The following MAP2K1 variants were observed in gnomAD, a reference collection of about 807,000 sequenced individuals.
MAP2K1 encodes mitogen-activated protein kinase kinase 1.
MAP2K1 carries 16 observed loss-of-function variants against 46.3 expected under a neutral mutation model. The ratio of observed to expected loss-of-function variants is 0.35; its 90% CI spans 0.23 to 0.52. The LOEUF is 0.52. MAP2K1 is among the 20% of genes least tolerant of loss of function. The pLI, the probability that MAP2K1 is intolerant of heterozygous loss-of-function variation, is 0.94. For synonymous variants in MAP2K1, 183 were observed against 185.6 expected (o/e 0.99, Z 0.11); for missense variants, 263 against 497.1 (o/e 0.53, Z 4.48).
At chr15:66,462,859 G>T (rs943276589) in intron 5 of MAP2K1, among the ~76,000 whole-genome samples, 1 of 152,194 alleles carries the variant, frequency 6.6e-6, no homozygotes, top group African/African-American at 2.4e-5. Context: ...CTTAGGGAAC[G>T]TGAGGACCAG....
At chr15:66,428,062 T>C (rs2093464001) in intron 1 of MAP2K1, among the ~76,000 whole-genome samples, 7 of 152,104 alleles carry the variant, frequency 4.6e-5, no homozygotes, top group Admixed American at 4.6e-4. Context: ...AGTGGCCAAA[T>C]AGGGCTTCAT....
intron 1 of MAP2K1, among the ~76,000 whole-genome samples, chr15:66,393,635 A>G (rs1029159780): frequency 6.6e-6 from 1 of 152,200 alleles, no homozygotes; most frequent in Admixed American, 6.5e-5. Flanking sequence ...TTGTTTACAA[A>G]ATCTTTACCA....
intron 1 of MAP2K1, among the ~76,000 whole-genome samples, chr15:66,402,102 C>G (rs1195653738): frequency 6.6e-6 from 1 of 152,040 alleles, no homozygotes; most frequent in African/African-American, 2.4e-5. Context: ...TACATTGTTC[C>G]ATTGTGTGTA....
At chr15:66,453,423 G>C (rs567964630) in intron 5 of MAP2K1, 204 of 698,876 alleles carry the variant, frequency 2.9e-4, no homozygotes, top group Non-Finnish European at 4.1e-4. Context: ...TGGCCTGGCT[G>C]CTCAGCATTT....
At chr15:66,447,012 C>T (rs896239501) in intron 5 of MAP2K1, among the ~76,000 whole-genome samples, 3 of 152,132 alleles carry the variant, frequency 2.0e-5, no homozygotes, top group South Asian at 2.1e-4. Flanking sequence ...ATAGTGCTGT[C>T]GGCCATGTCC....
At chr15:66,392,554 C>CT (rs71287024) in intron 1 of MAP2K1, among the ~76,000 whole-genome samples, 16,290 of 128,994 alleles carry the variant, frequency 0.13, 1,484 homozygotes, top group African/African-American at 0.25. Context: ...CTTTTCTTTT[C>CT]TTTTTTTTTT....
chr15:66,434,725 T>G (rs560890184), intron 1 of MAP2K1, among the ~76,000 whole-genome samples: 1 of 152,270 alleles, frequency 6.6e-6, no homozygotes, highest in South Asian at 2.1e-4. Context: ...TCATTCTGGA[T>G]TTTAGTAGGT....
At chr15:66,484,454 G>T (rs988355199) in intron 6 of MAP2K1, among the ~76,000 whole-genome samples, 1 of 152,156 alleles carries the variant, frequency 6.6e-6, no homozygotes, top group African/African-American at 2.4e-5. Context: ...CGGCCCAGCA[G>T]CAGCCCCATT....
intron 1 of MAP2K1, among the ~76,000 whole-genome samples, chr15:66,417,371 G>C (rs1029297304): frequency 1.3e-5 from 2 of 152,184 alleles, no homozygotes; most frequent in Non-Finnish European, 1.5e-5. Flanking sequence ...AGAAGTTTGA[G>C]ACCAATCTGG....
chr15:66,458,522 A>G (rs1244040231), intron 5 of MAP2K1, among the ~76,000 whole-genome samples: 1 of 152,172 alleles, frequency 6.6e-6, no homozygotes, highest in African/African-American at 2.4e-5. Flanking sequence ...GTGTATGTAT[A>G]AATGAACGAA....
intron 5 of MAP2K1, among the ~76,000 whole-genome samples, chr15:66,476,039 GAGA>G (rs1399562026): frequency 6.6e-6 from 1 of 152,184 alleles, no homozygotes; most frequent in African/African-American, 2.4e-5. Flanking sequence ...GAAAATATCG[GAGA>G]AGAACATACT....
At chr15:66,440,177 T>C (rs940767791) in intron 3 of MAP2K1, among the ~76,000 whole-genome samples, 3 of 152,012 alleles carry the variant, frequency 2.0e-5, no homozygotes, top group Non-Finnish European at 2.9e-5. Context: ...CTGCAACCTC[T>C]GCCTCCTGGG....
intron 2 of MAP2K1, among the ~76,000 whole-genome samples, chr15:66,436,322 T>C (rs2093487954): frequency 6.6e-6 from 1 of 152,226 alleles, no homozygotes; most frequent in South Asian, 2.1e-4. Context: ...CCTTAGACTT[T>C]GGCTTAGTCT....
Position 66,435,226 on chromosome 15 carries a change from A to T in MAP2K1, c.280A>T (p.Met94Leu). 3 of 1,613,520 alleles carry T rather than the reference A, an allele frequency of 1.9e-6. No homozygotes were observed. Among genetic ancestry groups the T allele is most frequent in the Non-Finnish European group, 2.5e-6 (3 of 1,179,446 alleles). Residue 94 changes from methionine (M) to leucine (L), a missense_variant, in exon 2 of 11, where the codon ATG becomes TTG. By Grantham distance (15) the Met-to-Leu change is conservative. This residue lies in a region of MAP2K1 where 103 missense variants were observed against 221.6 expected (regional missense o/e 0.46). Transcript: ENST00000307102. Reference protein sequence around the residue: ...KVSHKPSGLVMARKLIHLEIK... With the variant: ...KVSHKPSGLVLARKLIHLEIK... The stretch of plus-strand genomic sequence containing the variant: ...CTCCCACAAGCCTTCTGGCCTGGTC[A>T]TGGCCAGAAAGGTGAGTTTGCCTTG...
At chr15:66,489,834 C>CAAT in intron 10 of MAP2K1, 71 bp downstream of exon 10, 1 of 1,281,892 alleles carries the variant, frequency 7.8e-7, no homozygotes, top group East Asian at 2.3e-5. Context: ...GTCATCTGTG[C>CAAT]AGTACTTCCA....
intron 1 of MAP2K1, among the ~76,000 whole-genome samples, chr15:66,389,572 GTTTTTTTTT>G (rs375412152): frequency 1.1e-5 from 1 of 86,962 alleles, no homozygotes; most frequent in Non-Finnish European, 2.2e-5. Flanking sequence ...CTCTGTTGTG[GTTTTTTTTT>G]TTTTTTTTTT....
intron 1 of MAP2K1, among the ~76,000 whole-genome samples, chr15:66,427,558 C>CA (rs57483909): frequency 5.0e-4 from 72 of 142,674 alleles, no homozygotes; most frequent in Admixed American, 1.1e-3. Context: ...ACTCCATCTC[C>CA]AAAAAAAAAA....
At chr15:66,412,443 T>C (rs2093413640) in intron 1 of MAP2K1, among the ~76,000 whole-genome samples, 1 of 152,238 alleles carries the variant, frequency 6.6e-6, no homozygotes, top group African/African-American at 2.4e-5. Context: ...ACTTCAGTTT[T>C]CTGGACAGGA....
chr15:66,443,517 C>T (rs1341643423), intron 4 of MAP2K1, among the ~76,000 whole-genome samples, 160 bp downstream of exon 4: 2 of 152,104 alleles, frequency 1.3e-5, no homozygotes, highest in Admixed American at 6.6e-5. Context: ...AGTCTATATA[C>T]ACTATTCTCT....
Sources: gnomAD v4.1 joint callset for allele counts (sites outside exome capture counted in the v4.1 genomes callset) on GRCh38, gnomAD v4.1.1 for gene constraint, gnomAD v4.1.1 regional missense constraint, MANE v1.5 for transcripts, NCBI Gene and HGNC (gene_info 2026-07-23, HGNC 2026-07-21) for gene names.